FBXL7: variants seen among roughly 807,000 people sequenced by gnomAD.
FBXL7 encodes F-box and leucine rich repeat protein 7.
In FBXL7, 12 loss-of-function variants were observed where a neutral mutation model predicts 38.3. The ratio of observed to expected loss-of-function variants is 0.31; its 90% CI spans 0.20 to 0.51. The LOEUF is 0.51. Ranked by LOEUF, FBXL7 falls within the 20% of genes least tolerant of loss-of-function variation. The probability of loss-of-function intolerance (pLI) is 0.98; values close to 1 mark genes in which losing one functional copy is unlikely to be tolerated. For missense variants in FBXL7, 567 were observed against 676.4 expected (o/e 0.84, Z 1.79); for synonymous variants, 297 against 300.9 (o/e 0.99, Z 0.13).
intron 2 of FBXL7, among the ~76,000 whole-genome samples, chr5:15,877,935 T>C (rs889165733): frequency 1.3e-5 from 2 of 152,184 alleles, no homozygotes; most frequent in Non-Finnish European, 2.9e-5. Flanking sequence ...TGTCTCTTCA[T>C]ACAGTTTCTC....
In FBXL7 at chr5:15,928,029, C is replaced by T. The variant is rs1741931831; in HGVS notation, c.267C>T (p.His89=). 1 of 1,398,772 alleles carries T rather than the reference C, an allele frequency of 7.1e-7. No homozygotes were observed. Among genetic ancestry groups the T allele is most frequent in the Non-Finnish European group, 1.0e-6 (1 of 993,316 alleles). 86.6% of individuals were successfully genotyped at this position (1,398,772 alleles called of 1,614,324 possible). A position where few individuals can be genotyped will look rare whatever the true frequency, so the allele number is the denominator to read the frequency against. ...CCGGGGAGACGGTGGCCATGGTGCA[C>T]TCCCCGCCCCCGACCCGCCTCACAC... The part of the protein sequence containing the change: ...SITGETVAMV[H]SPPPTRLTHP... Residue 89 remains histidine, a synonymous_variant, in exon 3 of 4, where the codon CAC becomes CAT. Coordinates refer to ENST00000504595, the MANE Select transcript of FBXL7 (RefSeq NM_012304.5). The surrounding 1 kb of genome is among the most constrained non-coding windows in gnomAD (Gnocchi z 4.0).
intron 2 of FBXL7, among the ~76,000 whole-genome samples, chr5:15,665,388 A>C (rs532894065): frequency 6.6e-6 from 1 of 152,228 alleles, no homozygotes; most frequent in South Asian, 2.1e-4. Flanking sequence ...CTACCTATCT[A>C]TACGGTGGCC....
At chr5:15,745,617 A>G (rs542617773) in intron 2 of FBXL7, among the ~76,000 whole-genome samples, 1 of 152,326 alleles carries the variant, frequency 6.6e-6, no homozygotes, top group African/African-American at 2.4e-5. Context: ...AAGTCTGCAT[A>G]TGTCTAGGAA....
chr5:15,880,656 C>T (rs1245238715), intron 2 of FBXL7, among the ~76,000 whole-genome samples: 4 of 149,796 alleles, frequency 2.7e-5, no homozygotes, highest in African/African-American at 7.3e-5. Context: ...AAACAAAAAA[C>T]CTGGCCTTTT....
At chr5:15,903,611 C>T (rs763870634) in intron 2 of FBXL7, among the ~76,000 whole-genome samples, 23 of 152,116 alleles carry the variant, frequency 1.5e-4, no homozygotes, top group Non-Finnish European at 3.2e-4. Flanking sequence ...AGTATAGCAA[C>T]TTAATGTTTC....
intron 2 of FBXL7, among the ~76,000 whole-genome samples, chr5:15,810,278 T>C (rs1456903625): frequency 6.6e-6 from 1 of 152,058 alleles, no homozygotes; most frequent in African/African-American, 2.4e-5. Context: ...AAAAAGTATA[T>C]GAGCGGGCAC....
At chr5:15,663,337 T>G (rs1742155880) in intron 2 of FBXL7, among the ~76,000 whole-genome samples, 1 of 152,234 alleles carries the variant, frequency 6.6e-6, no homozygotes, top group African/African-American at 2.4e-5. Context: ...TAGTGATTTT[T>G]GTACATACAT....
intron 2 of FBXL7, among the ~76,000 whole-genome samples, chr5:15,709,703 C>CA (rs1302903701): frequency 3.9e-5 from 6 of 152,188 alleles, no homozygotes; most frequent in African/African-American, 1.4e-4. Flanking sequence ...GCTGCTGTAA[C>CA]AAAATACCTG....
At chr5:15,722,890 T>C (rs1744238479) in intron 2 of FBXL7, among the ~76,000 whole-genome samples, 2 of 144,274 alleles carry the variant, frequency 1.4e-5, no homozygotes, top group African/African-American at 2.6e-5. Flanking sequence ...GCCACTACAC[T>C]CCAGCCTGCT....
chr5:15,570,678 A>G (rs1244163581), intron 1 of FBXL7, among the ~76,000 whole-genome samples: 4 of 152,200 alleles, frequency 2.6e-5, no homozygotes, highest in Non-Finnish European at 4.4e-5. Context: ...CATTAACAGA[A>G]GTACCTTCCA....
intron 1 of FBXL7, among the ~76,000 whole-genome samples, chr5:15,532,815 A>G (rs918621446): frequency 2.6e-5 from 4 of 152,224 alleles, no homozygotes; most frequent in Non-Finnish European, 5.9e-5. Context: ...TGTGCAGCCC[A>G]AGCAGTGGCT....
At chr5:15,531,761 CT>C (rs1459577323) in intron 1 of FBXL7, among the ~76,000 whole-genome samples, 1 of 152,224 alleles carries the variant, frequency 6.6e-6, no homozygotes, top group East Asian at 1.9e-4. Context: ...ATGAAGCCTA[CT>C]GTGTACCTGG....
intron 2 of FBXL7, among the ~76,000 whole-genome samples, chr5:15,741,783 G>T (rs1485640917): frequency 1.3e-5 from 2 of 151,748 alleles, no homozygotes; most frequent in Admixed American, 6.6e-5. Context: ...AATGTAGAAA[G>T]AAGTACAGGA....
intron 2 of FBXL7, among the ~76,000 whole-genome samples, chr5:15,917,717 G>A (rs1023246243): frequency 6.7e-6 from 1 of 150,096 alleles, no homozygotes; most frequent in African/African-American, 2.5e-5. Context: ...AAGGAAGGAA[G>A]GACGATGCTA....
intron 2 of FBXL7, among the ~76,000 whole-genome samples, chr5:15,819,192 C>T (rs1405313165): frequency 6.6e-6 from 1 of 152,084 alleles, no homozygotes; most frequent in Non-Finnish European, 1.5e-5. Context: ...TGAAAATAGC[C>T]AGAGACTATA....
Position 15,594,845 on chromosome 5 carries a change from TTC to T in FBXL7, c.38-21132_38-21131del, listed in dbSNP as rs1217758962. Among the ~76,000 whole-genome samples the T allele has an allele frequency of 2.0e-5, 3 of 152,238 alleles. No individual in the cohort carries two copies. The East Asian group carries it at 5.8e-4, about 29-fold the overall frequency. Reference sequence around the variant, plus strand: ...TCCTGATTGCAGGAGAAACGCTGTCTTCTCTCTGATTCTCTGTGTGTCCATTC... The same window carrying T: ...TCCTGATTGCAGGAGAAACGCTGTCTTCTCTGATTCTCTGTGTGTCCATTC... On this transcript the variant is annotated intron_variant, in intron 1 of 3. Transcript: ENST00000504595.
intron 2 of FBXL7, among the ~76,000 whole-genome samples, chr5:15,816,461 G>A (rs925423364): frequency 6.6e-6 from 1 of 152,064 alleles, no homozygotes; most frequent in Admixed American, 6.6e-5. Flanking sequence ...AGCATACAGA[G>A]TGGTATAATG....
intron 1 of FBXL7, among the ~76,000 whole-genome samples, chr5:15,540,200 T>TAC (rs1234412491): frequency 4.6e-5 from 7 of 152,182 alleles, no homozygotes; most frequent in African/African-American, 1.7e-4. Context: ...ATGAATAAAA[T>TAC]ACCCAAGGTG....
intron 2 of FBXL7, among the ~76,000 whole-genome samples, chr5:15,848,077 G>A (rs968017599): frequency 1.1e-4 from 16 of 152,152 alleles, no homozygotes; most frequent in Non-Finnish European, 2.1e-4. Context: ...GTTTAAAGCC[G>A]TTGAGTTTAT....
Sources: allele counts gnomAD v4.1 joint callset (sites outside exome capture counted in the v4.1 genomes callset), GRCh38; gene constraint gnomAD v4.1.1; non-coding constraint Gnocchi (gnomAD v3.1); transcripts MANE v1.5; gene names NCBI Gene and HGNC (gene_info 2026-07-23, HGNC 2026-07-21).